MYO1B: variants seen among roughly 807,000 people sequenced by gnomAD.
MYO1B encodes myosin IB.
A neutral mutation model predicts 159.7 loss-of-function variants in MYO1B; 72 were observed. That is an observed-to-expected ratio of 0.45 (90% CI 0.37 to 0.55). The LOEUF is 0.55. Ranked by LOEUF, MYO1B falls within the 20% of genes least tolerant of loss-of-function variation. MYO1B has a pLI of 0.00. For missense variants in MYO1B, 1,062 were observed against 1,364.8 expected (o/e 0.78, Z 3.50); for synonymous variants, 468 against 473.8 (o/e 0.99, Z 0.16).
At chr2:191,291,423 G>A (rs1431750944) in intron 2 of MYO1B, among the ~76,000 whole-genome samples, 2 of 152,004 alleles carry the variant, frequency 1.3e-5, no homozygotes, top group African/African-American at 2.4e-5. Context: ...GAAAGGTAGA[G>A]CTTGTTTTCT....
At chr2:191,361,428 ACTAT>A (rs1430479654) in intron 8 of MYO1B, among the ~76,000 whole-genome samples, 3 of 152,284 alleles carry the variant, frequency 2.0e-5, no homozygotes, top group Non-Finnish European at 2.9e-5. Context: ...CCACAAAGAT[ACTAT>A]CTAATAGCTA....
intron 2 of MYO1B, among the ~76,000 whole-genome samples, chr2:191,289,966 C>T (rs988605980): frequency 6.6e-6 from 1 of 152,152 alleles, no homozygotes; most frequent in Non-Finnish European, 1.5e-5. Flanking sequence ...AGGAATGTTA[C>T]ACATTATTGA....
At chr2:191,278,139 A>G (rs566358732) in intron 2 of MYO1B, among the ~76,000 whole-genome samples, 1 of 152,338 alleles carries the variant, frequency 6.6e-6, no homozygotes, top group East Asian at 1.9e-4. Context: ...GGTGGCTTAT[A>G]AACAACAGAA....
rs141922120 is a variant in MYO1B, at chr2:191,334,759, A to G, written c.346+4730A>G. Among the ~76,000 whole-genome samples the G allele has an allele frequency of 1.9e-3, 283 of 152,284 alleles. 1 individual carries two copies. The highest frequency in any genetic ancestry group is 6.0e-3 in the African/African-American group (251 of 41,554). Reference sequence around the variant, plus strand: ...AGGGAGGAGGCTGGAGGAGGGTCCAACAGAGACGCTAGAGCATTGCTTCTC... The same window carrying G: ...AGGGAGGAGGCTGGAGGAGGGTCCAGCAGAGACGCTAGAGCATTGCTTCTC... On this transcript the variant is annotated intron_variant, in intron 4 of 30. Transcript: ENST00000392318.
At chr2:191,284,537 C>T (rs1166682627) in intron 2 of MYO1B, among the ~76,000 whole-genome samples, 1 of 152,100 alleles carries the variant, frequency 6.6e-6, no homozygotes, top group East Asian at 1.9e-4. Flanking sequence ...TAGTCCAGTG[C>T]CTATCACATG....
chr2:191,410,534 AT>A (rs1697191790), intron 26 of MYO1B, among the ~76,000 whole-genome samples: 1 of 152,218 alleles, frequency 6.6e-6, no homozygotes, highest in African/African-American at 2.4e-5. Context: ...TCAAACTGTC[AT>A]AGCATATTTG....
chr2:191,283,285 G>T (rs1319248169), intron 2 of MYO1B, among the ~76,000 whole-genome samples: 5 of 151,852 alleles, frequency 3.3e-5, no homozygotes, highest in Non-Finnish European at 7.4e-5. Flanking sequence ...AATACTTACA[G>T]TGCATTAACT....
At position 191,276,997 on chromosome 2, in the gene MYO1B, C is replaced by T. The variant is rs776257687; in HGVS notation, c.102C>T (p.Asn34=). Residue 34 remains asparagine, a synonymous_variant, in exon 2 of 31, where the codon AAC becomes AAT. Transcript: ENST00000392318. ...TCAATGAGGAGACCTTCATCAACAA[C>T]CTCAAGAAGCGCTTTGACCACAGTG... is the stretch of plus-strand genomic sequence containing the variant. ...EPLNEETFIN[N]LKKRFDHSEI... 3.1e-6 allele frequency: 5 copies of T among 1,613,970 alleles called. No individual in the cohort carries two copies. The highest frequency in any genetic ancestry group is 3.3e-5 in the Admixed American group (2 of 59,976).
At chr2:191,338,630 G>C (rs947447346) in intron 4 of MYO1B, among the ~76,000 whole-genome samples, 1 of 152,094 alleles carries the variant, frequency 6.6e-6, no homozygotes, top group Non-Finnish European at 1.5e-5. Context: ...TCTCATTCTT[G>C]GTTGATTTTC....
chr2:191,403,868 T>C (rs182628588), intron 24 of MYO1B, among the ~76,000 whole-genome samples: 177 of 152,306 alleles, frequency 1.2e-3, no homozygotes, highest in African/African-American at 4.1e-3. Context: ...CTCACATCTT[T>C]AGTTTTCTGG....
intron 3 of MYO1B, among the ~76,000 whole-genome samples, chr2:191,297,705 G>T (rs937722120): frequency 6.6e-6 from 1 of 152,148 alleles, no homozygotes; most frequent in African/African-American, 2.4e-5. Context: ...AAATGGTTAA[G>T]CTGGCAATTT....
At chr2:191,305,563 A>G (rs768420022) in intron 3 of MYO1B, among the ~76,000 whole-genome samples, 1 of 152,212 alleles carries the variant, frequency 6.6e-6, no homozygotes, top group Non-Finnish European at 1.5e-5. Context: ...AGCATCCACA[A>G]CATGTTGAGG....
chr2:191,322,958 T>C (rs1232321030), intron 3 of MYO1B, among the ~76,000 whole-genome samples: 1 of 152,018 alleles, frequency 6.6e-6, no homozygotes, highest in Non-Finnish European at 1.5e-5. Context: ...TTTTTCGTGG[T>C]TATTTCTTGA....
At chr2:191,350,860 A>G (rs1338702583) in intron 7 of MYO1B, among the ~76,000 whole-genome samples, 1 of 151,818 alleles carries the variant, frequency 6.6e-6, no homozygotes, top group Non-Finnish European at 1.5e-5. Context: ...ATTCTAGCCC[A>G]GGTGCAGAGT....
intron 2 of MYO1B, among the ~76,000 whole-genome samples, chr2:191,289,318 A>T (rs1384656216): frequency 6.6e-6 from 1 of 152,228 alleles, no homozygotes; most frequent in Non-Finnish European, 1.5e-5. Context: ...GTATGCTCTA[A>T]TGAAAAGAGA....
intron 2 of MYO1B, among the ~76,000 whole-genome samples, chr2:191,281,716 A>G (rs1043622200): frequency 7.9e-5 from 12 of 152,164 alleles, no homozygotes; most frequent in African/African-American, 2.9e-4. Flanking sequence ...GCTACAATTT[A>G]GGCAAGAACA....
intron 3 of MYO1B, among the ~76,000 whole-genome samples, chr2:191,318,583 A>G (rs1027455538): frequency 6.6e-6 from 1 of 152,198 alleles, no homozygotes; most frequent in African/African-American, 2.4e-5. Context: ...GATTGTCTCT[A>G]GTCTTTTATC....
At chr2:191,352,517 A>T (rs905121013) in intron 7 of MYO1B, among the ~76,000 whole-genome samples, 1 of 152,206 alleles carries the variant, frequency 6.6e-6, no homozygotes, top group Admixed American at 6.5e-5. Flanking sequence ...TCTAAGCACA[A>T]ATGTCTTCTT....
intron 3 of MYO1B, among the ~76,000 whole-genome samples, chr2:191,311,328 A>G (rs1022323840): frequency 2.0e-5 from 3 of 152,206 alleles, no homozygotes; most frequent in African/African-American, 7.2e-5. Context: ...TTTGCACCAC[A>G]GACCTCTACC....
Sources: allele counts gnomAD v4.1 joint callset (sites outside exome capture counted in the v4.1 genomes callset), GRCh38; gene constraint gnomAD v4.1.1; transcripts MANE v1.5; gene names NCBI Gene and HGNC (gene_info 2026-07-23, HGNC 2026-07-21).